IRAK1BP1: variants seen among roughly 807,000 people sequenced by gnomAD.
IRAK1BP1 encodes the protein interleukin 1 receptor associated kinase 1 binding protein 1, also known as interleukin-1 receptor-associated kinase 1-binding protein 1.
A neutral mutation model predicts 28.0 loss-of-function variants in IRAK1BP1; 24 were observed. The observed-to-expected ratio is 0.86, with a 90% CI of 0.62 to 1.20. The LOEUF (loss-of-function observed/expected upper bound fraction) is 1.20, where lower values mean the gene tolerates loss of function less well. Among genes scored for constraint, IRAK1BP1 ranks in the 50% most tolerant of loss-of-function variants. The pLI is 0.00. For missense variants in IRAK1BP1, 336 were observed against 316.7 expected (o/e 1.06, Z -0.46); for synonymous variants, 131 against 116.3 (o/e 1.13, Z -0.81).
chr6:78,944,244 A>G (rs1296885207), intron 4 of IRAK1BP1, among the ~76,000 whole-genome samples: 1 of 152,232 alleles, frequency 6.6e-6, no homozygotes, highest in African/African-American at 2.4e-5. Flanking sequence ...GAGCCAAGTA[A>G]TAAAGAGTCT....
At chr6:78,956,797 G>C in the IRAK1BP1 span, 1 of 151,914 alleles carries the variant, frequency 6.6e-6, no homozygotes, top group South Asian at 2.1e-4. Context: ...CATCATCACA[G>C]CTAAAAGTAA....
chr6:78,911,650 T>C (rs982401909), intron 4 of IRAK1BP1, among the ~76,000 whole-genome samples: 4 of 152,214 alleles, frequency 2.6e-5, no homozygotes, highest in African/African-American at 9.7e-5. Context: ...TTCTCTCCAA[T>C]GTAGTCAAGA....
the IRAK1BP1 span, among the ~76,000 whole-genome samples, chr6:78,974,206 T>C: frequency 6.6e-6 from 1 of 152,022 alleles, no homozygotes; most frequent in Non-Finnish European, 1.5e-5. Context: ...CAAACTAGAA[T>C]TCAGGATTAA....
At chr6:78,888,492 A>G (rs1771509109) in intron 2 of IRAK1BP1, among the ~76,000 whole-genome samples, 1 of 151,348 alleles carries the variant, frequency 6.6e-6, no homozygotes, top group Non-Finnish European at 1.5e-5. Flanking sequence ...CAGTTTTTAT[A>G]TATAAATTAC....
intron 2 of IRAK1BP1, among the ~76,000 whole-genome samples, chr6:78,889,971 G>C (rs186317859): frequency 6.6e-6 from 1 of 152,050 alleles, no homozygotes; most frequent in Admixed American, 6.6e-5. Flanking sequence ...ACATGTAGAC[G>C]TACATTTATT....
At position 78,867,675 on chromosome 6, in the gene IRAK1BP1, G is replaced by T. The variant is rs1333408689; in HGVS notation, c.99G>T (p.Thr33=). The change falls in exon 1 of 4, where the codon ACG becomes ACT. Residue 33 remains threonine, a synonymous_variant. Coordinates refer to ENST00000369940, the MANE Select transcript of IRAK1BP1 (RefSeq NM_001010844.4). The part of the protein sequence containing the change: ...RENNLASGRE[T]LPGLRHPLSS... ...ACAACCTGGCCTCAGGGAGAGAGAC[G>T]CTACCGGGCTTACGCCACCCCCTCT... 1 of 1,614,240 alleles carries T rather than the reference G, an allele frequency of 6.2e-7. No homozygotes were observed.
downstream of IRAK1BP1, among the ~76,000 whole-genome samples, chr6:78,905,337 G>A (rs1318287921): frequency 6.6e-6 from 1 of 152,154 alleles, no homozygotes; most frequent in East Asian, 1.9e-4. Context: ...AATACATGAA[G>A]CTCTGAGTTT....
chr6:78,919,550 G>C (rs1772662111), intron 4 of IRAK1BP1, among the ~76,000 whole-genome samples: 1 of 152,130 alleles, frequency 6.6e-6, no homozygotes, highest in African/African-American at 2.4e-5. Flanking sequence ...GATTATCAGA[G>C]ACTATTATGA....
At chr6:78,915,008 C>G (rs1231340487) in intron 4 of IRAK1BP1, among the ~76,000 whole-genome samples, 1 of 151,964 alleles carries the variant, frequency 6.6e-6, no homozygotes, top group Non-Finnish European at 1.5e-5. Flanking sequence ...TTAGTAGAGA[C>G]AGGGTTTTGC....
chr6:78,948,841 G>A (rs897888568), downstream of IRAK1BP1, among the ~76,000 whole-genome samples: 1 of 152,170 alleles, frequency 6.6e-6, no homozygotes, highest in African/African-American at 2.4e-5. Flanking sequence ...TTTTTGAAGT[G>A]TAACAACTTG....
At chr6:78,975,983 C>A in the IRAK1BP1 span, among the ~76,000 whole-genome samples, 1 of 151,786 alleles carries the variant, frequency 6.6e-6, no homozygotes, top group Non-Finnish European at 1.5e-5. Context: ...CCATCCCCAT[C>A]AAGCTACCAA....
In IRAK1BP1 at chr6:78,890,279, G is replaced by A. The variant is rs535677019; in HGVS notation, c.381+4836G>A. Among the ~76,000 whole-genome samples the A allele has an allele frequency of 5.5e-4, 83 of 151,770 alleles. 1 individual carries two copies. Among genetic ancestry groups the A allele is most frequent in the South Asian group, 1.0e-3 (5 of 4,798 alleles). On this transcript the variant is annotated intron_variant, in intron 2 of 3. Transcript: ENST00000369940. ...ATACCAGGGCCTGTCAGGGGGTGGGGGGCTAGGGGAGGGATAGCATTAGGA... is the reference window on the plus strand; with the variant it reads ...ATACCAGGGCCTGTCAGGGGGTGGGAGGCTAGGGGAGGGATAGCATTAGGA...
intron 1 of IRAK1BP1, among the ~76,000 whole-genome samples, chr6:78,873,595 C>T (rs997955252): frequency 6.6e-6 from 1 of 152,020 alleles, no homozygotes; most frequent in African/African-American, 2.4e-5. Flanking sequence ...CCTCCCACCT[C>T]AGCCTCCCAA....
chr6:78,941,409 T>C (rs192835351), intron 4 of IRAK1BP1: 30 of 920,898 alleles, frequency 3.3e-5, no homozygotes, highest in Non-Finnish European at 4.7e-5. Context: ...TAAGGCCCCA[T>C]TGGTATACTT....
chr6:78,958,689 A>T, the IRAK1BP1 span: 1 of 802,468 alleles, frequency 1.2e-6, no homozygotes, highest in Non-Finnish European at 2.1e-6. Flanking sequence ...CAACTTTTCA[A>T]CTTCAGTCTA....
chr6:78,872,731 C>G (rs1486774952), intron 1 of IRAK1BP1, among the ~76,000 whole-genome samples: 1 of 152,104 alleles, frequency 6.6e-6, no homozygotes, highest in African/African-American at 2.4e-5. Flanking sequence ...TATTTGAAGG[C>G]TTATGAAAAA....
Position 78,940,550 on chromosome 6 carries a change from T to TG in IRAK1BP1, c.*68-4858_*68-4857insG, listed in dbSNP as rs1773441281. ...GAAGTGAAGTGTCTCGTAAGTTTGT[T>TG]TTTTTTTTTTTTTTTTTTTTTGCAA... On this transcript the variant is annotated intron_variant and NMD_transcript_variant, in intron 4 of 4. Coordinates refer to the IRAK1BP1 transcript ENST00000606868. The TG allele has an allele frequency of 7.9e-4, 100 of 126,736 alleles. 5 individuals are homozygous for TG. The South Asian group carries it at 0.012, about 16-fold the overall frequency. The allele number at this position is 126,736 out of a possible 1,614,324, so 7.9% of individuals were successfully genotyped here.
the IRAK1BP1 span, among the ~76,000 whole-genome samples, chr6:78,959,818 T>G: frequency 0.025 from 3,800 of 152,240 alleles, 157 homozygotes; most frequent in African/African-American, 0.086. Flanking sequence ...CTAACGATGG[T>G]GTTACATCCT....
intron 4 of IRAK1BP1, among the ~76,000 whole-genome samples, chr6:78,924,924 T>G (rs1175557153): frequency 6.6e-6 from 1 of 152,162 alleles, no homozygotes; most frequent in African/African-American, 2.4e-5. Context: ...AACCCAAATG[T>G]CCAACAATGA....
Sources: gnomAD v4.1 joint callset for allele counts (sites outside exome capture counted in the v4.1 genomes callset) on GRCh38, gnomAD v4.1.1 for gene constraint, MANE v1.5 for transcripts, NCBI Gene and HGNC (gene_info 2026-07-23, HGNC 2026-07-21) for gene names.